The following ERI1 variants were observed in gnomAD, a reference collection of about 807,000 sequenced individuals.
ERI1 encodes 3'-5' exoribonuclease 1.
Under a neutral mutation model 39.7 loss-of-function variants are expected in ERI1, and 39 were observed. That is an observed-to-expected ratio of 0.98 (90% CI 0.76 to 1.28). The LOEUF is 1.28. ERI1 is among the 50% of genes most tolerant of loss of function. ERI1 has a pLI of 0.00. For missense variants in ERI1, 581 were observed against 416.9 expected, an observed-to-expected ratio of 1.39 and a Z score of -3.43; for synonymous variants, 204 against 149.6, an observed-to-expected ratio of 1.36 and a Z score of -2.65.
chr8:9,091,048 C>G (rs1028330554), intron 3 of ERI1, among the ~76,000 whole-genome samples: 19 of 152,228 alleles, frequency 1.2e-4, no homozygotes, highest in African/African-American at 4.6e-4. Context: ...TTCCAAAAAT[C>G]AACAGTCTTT....
chr8:9,003,265 G>T (rs910912317), intron 1 of ERI1, 94 bp downstream of exon 1: 11 of 716,082 alleles, frequency 1.5e-5, no homozygotes, highest in Non-Finnish European at 1.9e-5. Flanking sequence ...CCCGCAGAAG[G>T]TGCAGCTGTG....
At chr8:9,006,380 A>C (rs966317539) in intron 1 of ERI1, among the ~76,000 whole-genome samples, 1 of 152,194 alleles carries the variant, frequency 6.6e-6, no homozygotes, top group African/African-American at 2.4e-5. Context: ...CTTGTGAATA[A>C]TTTTTCTAGC....
chr8:9,064,614 G>T (rs996181471), intron 3 of ERI1, among the ~76,000 whole-genome samples: 1 of 152,320 alleles, frequency 6.6e-6, no homozygotes, highest in Non-Finnish European at 1.5e-5. Context: ...AGTGAGAGAG[G>T]TTGGAGAAGA....
chr8:9,078,146 C>T lies in ERI1; in HGVS notation n.300-38202C>T, dbSNP rs142576369. Among the ~76,000 whole-genome samples the T allele has an allele frequency of 9.7e-3, 1,478 of 152,192 alleles. 28 individuals are homozygous for T. The highest frequency in any genetic ancestry group is 0.034 in the African/African-American group (1,418 of 41,522). ...CTGGGACGACATGCGTGCGCCACCACGCCTGGCTAATTTTTGTATTTTTAG... is the reference window on the plus strand; with the variant it reads ...CTGGGACGACATGCGTGCGCCACCATGCCTGGCTAATTTTTGTATTTTTAG... On this transcript the variant is annotated intron_variant and non_coding_transcript_variant, in intron 3 of 3. Transcript: ENST00000518663.
At chr8:9,092,011 C>T (rs1799721398) in intron 3 of ERI1, among the ~76,000 whole-genome samples, 1 of 152,188 alleles carries the variant, frequency 6.6e-6, no homozygotes, top group Non-Finnish European at 1.5e-5. Flanking sequence ...GGCTGGAGTG[C>T]AGTGGTGCAA....
intron 3 of ERI1, among the ~76,000 whole-genome samples, chr8:9,070,549 G>C (rs1429206714): frequency 6.6e-6 from 1 of 152,128 alleles, no homozygotes; most frequent in African/African-American, 2.4e-5. Flanking sequence ...GGCAGGTTCA[G>C]AACTACTAGT....
chr8:9,095,218 G>T (rs1337482109), intron 3 of ERI1, among the ~76,000 whole-genome samples: 1 of 152,172 alleles, frequency 6.6e-6, no homozygotes, highest in Non-Finnish European at 1.5e-5. Flanking sequence ...GATTCAGGGA[G>T]TACATGTGCA....
chr8:9,068,922 T>G (rs1039398190), intron 3 of ERI1, among the ~76,000 whole-genome samples: 1 of 152,046 alleles, frequency 6.6e-6, no homozygotes, highest in Non-Finnish European at 1.5e-5. Context: ...GCTCAAGCAA[T>G]CCTCTTGCCT....
Position 9,030,191 on chromosome 8 carries a change from T to G in ERI1, c.*157T>G, listed in dbSNP as rs1797488672. On this transcript the variant is annotated 3_prime_UTR_variant, in exon 7 of 7. Transcript: ENST00000250263. Reference sequence around the variant, plus strand: ...AGATAGATACATGTATGTGAACAGATTTTGTAGGAAGGCATACTGAATTCT... The same window carrying G: ...AGATAGATACATGTATGTGAACAGAGTTTGTAGGAAGGCATACTGAATTCT... The G allele has an allele frequency of 1.0e-6, 1 of 993,214 alleles. No homozygotes were observed. Among genetic ancestry groups the G allele is most frequent in the East Asian group, 2.6e-5 (1 of 37,878 alleles). The allele number at this position is 993,214 out of a possible 1,614,324, so 61.5% of individuals were successfully genotyped here. A position where few individuals can be genotyped will look rare whatever the true frequency, so the allele number is the denominator to read the frequency against.
intron 3 of ERI1, among the ~76,000 whole-genome samples, chr8:9,091,840 A>G (rs1292985988): frequency 1.3e-5 from 2 of 152,272 alleles, no homozygotes; most frequent in South Asian, 2.1e-4. Context: ...ATCCATCCAC[A>G]TATTTTAAAG....
At chr8:9,047,818 G>C (rs1798223337) in intron 3 of ERI1, among the ~76,000 whole-genome samples, 1 of 152,240 alleles carries the variant, frequency 6.6e-6, no homozygotes, top group African/African-American at 2.4e-5. Flanking sequence ...GTTTGAAGAA[G>C]GGATTCATCA....
At chr8:9,093,773 C>T (rs1371577255) in intron 3 of ERI1, among the ~76,000 whole-genome samples, 3 of 152,080 alleles carry the variant, frequency 2.0e-5, no homozygotes, top group Non-Finnish European at 4.4e-5. Context: ...GATGGAGTTT[C>T]ACCACATTGT....
intron 3 of ERI1, among the ~76,000 whole-genome samples, chr8:9,056,133 G>C (rs1204648625): frequency 6.6e-6 from 1 of 152,248 alleles, no homozygotes; most frequent in Non-Finnish European, 1.5e-5. Context: ...GCTTCGAGGA[G>C]ACATCGTGAA....
intron 3 of ERI1, among the ~76,000 whole-genome samples, chr8:9,085,028 T>G (rs1018916770): frequency 6.6e-6 from 1 of 152,002 alleles, no homozygotes; most frequent in African/African-American, 2.4e-5. Context: ...CCTAGAAACT[T>G]CTATAAATTC....
chr8:9,049,160 AC>A (rs1798271465), intron 3 of ERI1, among the ~76,000 whole-genome samples: 1 of 151,498 alleles, frequency 6.6e-6, no homozygotes, highest in African/African-American at 2.4e-5. Context: ...ACATGGTGAA[AC>A]CCCGTCTCTA....
At chr8:9,040,432 C>T (rs1172916243) in intron 3 of ERI1, among the ~76,000 whole-genome samples, 1 of 152,172 alleles carries the variant, frequency 6.6e-6, no homozygotes, top group African/African-American at 2.4e-5. Context: ...CTTGGGGCAG[C>T]AGTGCCAAGT....
At chr8:9,090,274 T>C (rs984919117) in intron 3 of ERI1, among the ~76,000 whole-genome samples, 3 of 152,142 alleles carry the variant, frequency 2.0e-5, no homozygotes, top group African/African-American at 7.2e-5. Flanking sequence ...AGGGGTGTGG[T>C]GAGCTCAGGT....
intron 3 of ERI1, among the ~76,000 whole-genome samples, chr8:9,054,034 C>T (rs1281127800): frequency 7.9e-6 from 1 of 126,036 alleles, no homozygotes; most frequent in Non-Finnish European, 1.7e-5. Context: ...GCCTGATAGG[C>T]TAGAACTCCC....
In ERI1 at chr8:9,065,694, C is replaced by CA. The variant is rs577584927; in HGVS notation, n.299+45250dup. Among the ~76,000 whole-genome samples the CA allele has an allele frequency of 3.3e-3, 270 of 82,130 alleles. 2 individuals are homozygous for CA. Among genetic ancestry groups the CA allele is most frequent in the Middle Eastern group, 0.013 (2 of 154 alleles). The allele number at this position is 82,130 out of a possible 152,430, so 53.9% of individuals were successfully genotyped here. A position where few individuals can be genotyped will look rare whatever the true frequency, so the allele number is the denominator to read the frequency against. On this transcript the variant is annotated intron_variant and non_coding_transcript_variant, in intron 3 of 3. Coordinates refer to the ERI1 transcript ENST00000518663. ...TGGGCAACAGAGCGAGACTCCATCT[C>CA]AAAAAAAAAAAAAAAAAAAAGGCTG...
Sources: gnomAD v4.1 joint callset for allele counts (sites outside exome capture counted in the v4.1 genomes callset) on GRCh38, gnomAD v4.1.1 for gene constraint, MANE v1.5 for transcripts, NCBI Gene and HGNC (gene_info 2026-07-23, HGNC 2026-07-21) for gene names.